The following PRICKLE1 variants were observed in gnomAD, a reference collection of about 807,000 sequenced individuals.
PRICKLE1 encodes prickle planar cell polarity protein 1.
A neutral mutation model predicts 70.2 loss-of-function variants in PRICKLE1; 14 were observed. The ratio of observed to expected loss-of-function variants is 0.20; its 90% CI spans 0.13 to 0.31. The LOEUF (loss-of-function observed/expected upper bound fraction) is 0.31, where lower values mean the gene tolerates loss of function less well. Ranked by LOEUF, PRICKLE1 falls within the 10% of genes least tolerant of loss-of-function variation. The probability of loss-of-function intolerance (pLI) is 1.00; values close to 1 mark genes in which losing one functional copy is unlikely to be tolerated. For synonymous variants in PRICKLE1, 357 were observed against 379.9 expected (o/e 0.94, Z 0.70); for missense variants, 821 against 1,026.2 (o/e 0.80, Z 2.73).
chr12:42,498,195 C>T (rs1169007810), intron 1 of PRICKLE1, among the ~76,000 whole-genome samples: 3 of 139,134 alleles, frequency 2.2e-5, no homozygotes, highest in African/African-American at 2.7e-5. Context: ...TTTTTGGAGA[C>T]AGGGTCTTGC....
chr12:42,459,740 G>A lies in PRICKLE1; in HGVS notation c.*69C>T, dbSNP rs1213334895. 6.3e-6 allele frequency: 10 copies of A among 1,580,228 alleles called. No homozygotes were observed. The highest frequency in any genetic ancestry group is 5.1e-5 in the Admixed American group (3 of 59,330). ...TAAACTATTTTCACAACTTTCCTAC[G>A]GAAGAAAAGGAAACGATTCAGACGG... On this transcript the variant is annotated 3_prime_UTR_variant, in exon 8 of 8. Transcript: ENST00000345127.
intron 1 of PRICKLE1, among the ~76,000 whole-genome samples, chr12:42,490,920 G>C (rs1003241059): frequency 6.6e-6 from 1 of 151,738 alleles, no homozygotes; most frequent in Non-Finnish European, 1.5e-5. Context: ...ACTCAGGCTG[G>C]AGTGCAATGG....
At chr12:42,502,164 TATATATACACACACACACCTATAC>T (rs1364559685) in intron 1 of PRICKLE1, among the ~76,000 whole-genome samples, 1 of 151,844 alleles carries the variant, frequency 6.6e-6, no homozygotes, top group East Asian at 1.9e-4. Context: ...TACACCTATA[TATATATACACACACACACCTATAC>T]ATATATACAC....
intron 1 of PRICKLE1, among the ~76,000 whole-genome samples, chr12:42,554,319 A>G (rs2120669678): frequency 6.6e-6 from 1 of 152,330 alleles, no homozygotes; most frequent in East Asian, 1.9e-4. Flanking sequence ...CTTATTGTAA[A>G]GGAAATAGAA....
At chr12:42,466,079 T>C in intron 6 of PRICKLE1, 115 bp downstream of exon 6, 1 of 1,087,960 alleles carries the variant, frequency 9.2e-7, no homozygotes. Context: ...GTACATTTCA[T>C]TGTATGTAAA....
At chr12:42,462,090 GC>G (rs1208100634) in intron 7 of PRICKLE1, among the ~76,000 whole-genome samples, 1 of 152,042 alleles carries the variant, frequency 6.6e-6, no homozygotes, top group Non-Finnish European at 1.5e-5. Flanking sequence ...GAGCCACCGC[GC>G]CCGGCCCTAT....
chr12:42,480,793 G>T (rs1271871075), intron 1 of PRICKLE1, among the ~76,000 whole-genome samples: 1 of 152,198 alleles, frequency 6.6e-6, no homozygotes. Flanking sequence ...ACAACAGATG[G>T]CAATGGTGTC....
intron 1 of PRICKLE1, among the ~76,000 whole-genome samples, chr12:42,486,630 A>G (rs991708674): frequency 6.6e-6 from 1 of 152,230 alleles, no homozygotes; most frequent in Admixed American, 6.5e-5. Context: ...ACACAGTACA[A>G]AGCCAACTTT....
intron 1 of PRICKLE1, among the ~76,000 whole-genome samples, chr12:42,494,328 T>C (rs1428456370): frequency 6.6e-6 from 1 of 152,228 alleles, no homozygotes; most frequent in Non-Finnish European, 1.5e-5. Flanking sequence ...TGCTGTTTGG[T>C]AGCATTTTAC....
In PRICKLE1 at chr12:42,521,345, G is replaced by T. The variant is rs537692882; in HGVS notation, c.-48-48781C>A. ...TATTTCTTTACTAATTATATATTTA[G>T]TAGATAAAGGAAAATACCTTTAACT... On this transcript the variant is annotated intron_variant, in intron 1 of 7. Transcript: ENST00000345127. 6.6e-5 allele frequency among the ~76,000 whole-genome samples: 10 copies of T among 152,210 alleles called. No individual in the cohort carries two copies. The East Asian group carries it at 1.7e-3, about 26-fold the overall frequency.
chr12:42,563,466 G>A lies in PRICKLE1; in HGVS notation c.-49+25999C>T, dbSNP rs150391026. ...TGTAATCACAGCACTTTGAGAGGCC[G>A]AGGCGGGCAGACCACGAGATCAGGA... On this transcript the variant is annotated intron_variant, in intron 1 of 7. Coordinates refer to ENST00000345127, the MANE Select transcript of PRICKLE1 (RefSeq NM_153026.3). Among the ~76,000 whole-genome samples the A allele has an allele frequency of 4.4e-3, 673 of 151,816 alleles. 10 individuals carry two copies. The highest frequency in any genetic ancestry group is 0.015 in the African/African-American group (635 of 41,428).
chr12:42,515,241 T>C (rs56726247), intron 1 of PRICKLE1, among the ~76,000 whole-genome samples: 537 of 33,258 alleles, frequency 0.016, 2 homozygotes, highest in African/African-American at 0.043. Flanking sequence ...GCATTATCTA[T>C]TTTTTTTTTT....
chr12:42,492,961 G>A (rs1292206241), intron 1 of PRICKLE1, among the ~76,000 whole-genome samples: 2 of 152,144 alleles, frequency 1.3e-5, no homozygotes, highest in Non-Finnish European at 2.9e-5. Flanking sequence ...TGACTAACTT[G>A]TTCATATTTT....
chr12:42,527,681 G>A lies in PRICKLE1; in HGVS notation c.-48-55117C>T, dbSNP rs529414495. On this transcript the variant is annotated intron_variant, in intron 1 of 7. Coordinates refer to ENST00000345127, the MANE Select transcript of PRICKLE1 (RefSeq NM_153026.3). ...TTGTTAAGCAGGAAGTGAACAAAGT[G>A]GTGGGCTGGGTCTCAGAATTACATG... Among the ~76,000 whole-genome samples, 5 of 152,134 alleles carry A rather than the reference G, an allele frequency of 3.3e-5. No individual in the cohort carries two copies. In the East Asian group the frequency reaches 9.7e-4, roughly 29 times the overall value.
chr12:42,506,562 GTGTTCT>G (rs1939422192), intron 1 of PRICKLE1, among the ~76,000 whole-genome samples: 1 of 116,660 alleles, frequency 8.6e-6, no homozygotes, highest in African/African-American at 3.4e-5. Flanking sequence ...CAGCTCAATA[GTGTTCT>G]TTTTTTTTTT....
intron 7 of PRICKLE1, among the ~76,000 whole-genome samples, chr12:42,460,933 G>A (rs1937807730): frequency 6.6e-6 from 1 of 152,144 alleles, no homozygotes; most frequent in African/African-American, 2.4e-5. Context: ...CCGGGCTGGA[G>A]TGCAATGGCG....
chr12:42,520,678 C>T (rs547899101), intron 1 of PRICKLE1, among the ~76,000 whole-genome samples: 1 of 152,308 alleles, frequency 6.6e-6, no homozygotes, highest in South Asian at 2.1e-4. Flanking sequence ...AAATTTTTAA[C>T]TTTTAAAATG....
chr12:42,576,933 A>G (rs985607963), intron 1 of PRICKLE1, among the ~76,000 whole-genome samples: 12 of 152,248 alleles, frequency 7.9e-5, no homozygotes, highest in African/African-American at 2.9e-4. Flanking sequence ...GAAGAGTTTC[A>G]CTACATACTG....
chr12:42,472,755 G>A (rs1051059162), intron 1 of PRICKLE1, among the ~76,000 whole-genome samples, 191 bp from the exon 2 acceptor site: 1 of 152,164 alleles, frequency 6.6e-6, no homozygotes, highest in African/African-American at 2.4e-5. Flanking sequence ...TAATTTGGTA[G>A]TAGTCTCTTT....
Sources: allele counts gnomAD v4.1 joint callset (sites outside exome capture counted in the v4.1 genomes callset), GRCh38; gene constraint gnomAD v4.1.1; transcripts MANE v1.5; gene names NCBI Gene and HGNC (gene_info 2026-07-23, HGNC 2026-07-21).